The following ZNG1B variants were observed in gnomAD, a reference collection of about 807,000 sequenced individuals.
ZNG1B encodes zinc-regulated GTPase metalloprotein activator 1B.
the ZNG1B span, among the ~76,000 whole-genome samples, chr2:113,488,658 G>A: frequency 6.7e-6 from 1 of 149,758 alleles, no homozygotes; most frequent in African/African-American, 2.4e-5. Flanking sequence ...GAACTAGATA[G>A]CATAAATAAA....
chr2:113,486,901 T>C, the ZNG1B span, among the ~76,000 whole-genome samples: 191 of 151,902 alleles, frequency 1.3e-3, no homozygotes, highest in African/African-American at 4.2e-3. Context: ...AACTGACAGT[T>C]ATGTTTCATT....
the ZNG1B span, among the ~76,000 whole-genome samples, chr2:113,479,925 C>A: frequency 6.6e-6 from 1 of 151,580 alleles, no homozygotes; most frequent in African/African-American, 2.4e-5. Flanking sequence ...GGGCTTAAGC[C>A]GTCTTCCCAC....
chr2:113,489,702 C>T, the ZNG1B span, among the ~76,000 whole-genome samples: 2,657 of 151,954 alleles, frequency 0.017, 47 homozygotes, highest in Non-Finnish European at 0.029. Flanking sequence ...CAAGTGTGAG[C>T]AGGAGTAGCC....
chr2:113,470,470 AAG>A, the ZNG1B span: 7 of 153,750 alleles, frequency 4.6e-5, no homozygotes, highest in African/African-American at 1.7e-4. Context: ...AAATAATTCT[AAG>A]AGAAATAATG....
chr2:113,474,156 A>G, the ZNG1B span, among the ~76,000 whole-genome samples: 1 of 152,030 alleles, frequency 6.6e-6, no homozygotes, highest in Non-Finnish European at 1.5e-5. Flanking sequence ...TTATTGCCAC[A>G]ATTTCAGATC....
the ZNG1B span, among the ~76,000 whole-genome samples, chr2:113,476,777 G>C: frequency 6.6e-6 from 1 of 152,128 alleles, no homozygotes; most frequent in Non-Finnish European, 1.5e-5. Flanking sequence ...GTACCCGGCC[G>C]TGTGAGGTGT....
chr2:113,439,733 A>G, the ZNG1B span, among the ~76,000 whole-genome samples: 2 of 152,084 alleles, frequency 1.3e-5, no homozygotes, highest in Non-Finnish European at 2.9e-5. Flanking sequence ...TGGAATAGGT[A>G]CTTTTTTACT....
At chr2:113,465,897 G>A in the ZNG1B span, 1 of 984,896 alleles carries the variant, frequency 1.0e-6, no homozygotes, top group Non-Finnish European at 1.2e-6. Flanking sequence ...TACAGCAGAG[G>A]CCTTAGGTGA....
chr2:113,474,324 G>A, the ZNG1B span, among the ~76,000 whole-genome samples: 13 of 148,726 alleles, frequency 8.7e-5, no homozygotes, highest in Middle Eastern at 3.4e-3. Context: ...CTGTGGGATC[G>A]GTGGTGATAT....
At chr2:113,472,807 G>A in the ZNG1B span, among the ~76,000 whole-genome samples, 11 of 151,856 alleles carry the variant, frequency 7.2e-5, no homozygotes, top group South Asian at 2.1e-4. Context: ...GATATGCGGC[G>A]TTATTTCTGA....
At chr2:113,442,054 TA>T in the ZNG1B span, among the ~76,000 whole-genome samples, 1 of 152,178 alleles carries the variant, frequency 6.6e-6, no homozygotes, top group Non-Finnish European at 1.5e-5. Flanking sequence ...ATGTTTTTTT[TA>T]GGAATTAGGA....
the ZNG1B span, chr2:113,470,984 T>A: frequency 6.3e-7 from 1 of 1,583,926 alleles, no homozygotes; most frequent in Non-Finnish European, 8.5e-7. Flanking sequence ...ATTAATTGGA[T>A]GTATTTCACA....
At chr2:113,443,131 G>C in the ZNG1B span, among the ~76,000 whole-genome samples, 1 of 151,866 alleles carries the variant, frequency 6.6e-6, no homozygotes, top group East Asian at 1.9e-4. Flanking sequence ...ACCACACCTG[G>C]CTAATTTTTT....
At chr2:113,438,633 G>C in the ZNG1B span, among the ~76,000 whole-genome samples, 1 of 151,716 alleles carries the variant, frequency 6.6e-6, no homozygotes, top group East Asian at 1.9e-4. Context: ...AGAGTGTACA[G>C]GGATACTCGA....
At chr2:113,470,767 A>AT in the ZNG1B span, 2 of 494,566 alleles carry the variant, frequency 4.0e-6, no homozygotes, top group Non-Finnish European at 7.1e-6. Flanking sequence ...TCTTTAGCTG[A>AT]TTTTTTAGCT....
the ZNG1B span, among the ~76,000 whole-genome samples, chr2:113,439,985 C>G: frequency 6.9e-6 from 1 of 144,230 alleles, no homozygotes; most frequent in African/African-American, 2.5e-5. Flanking sequence ...GCCGGGTTCA[C>G]GCCATTCTCC....
At chr2:113,462,297 T>C in the ZNG1B span, 1 of 1,143,020 alleles carries the variant, frequency 8.7e-7, no homozygotes, top group African/African-American at 1.6e-5. Flanking sequence ...TTGATCTACA[T>C]GAGGCGTTTT....
chr2:113,453,263 A>G, the ZNG1B span: 1 of 1,581,412 alleles, frequency 6.3e-7, no homozygotes, highest in Non-Finnish European at 8.5e-7. Flanking sequence ...TTTTTTTCTG[A>G]GACGGAGTCT....
the ZNG1B span, among the ~76,000 whole-genome samples, chr2:113,475,353 T>A: frequency 1.3e-5 from 2 of 152,278 alleles, no homozygotes; most frequent in South Asian, 4.1e-4. Flanking sequence ...TAGATTTTCC[T>A]CCATCCCTTT....
Sources: allele counts gnomAD v4.1 joint callset (sites outside exome capture counted in the v4.1 genomes callset), GRCh38; gene constraint gnomAD v4.1.1; transcripts MANE v1.5; gene names NCBI Gene and HGNC (gene_info 2026-07-23, HGNC 2026-07-21).